The following MMD2 variants were observed in gnomAD, a reference collection of about 807,000 sequenced individuals.
MMD2 encodes the protein monocyte to macrophage differentiation associated 2, also known as monocyte to macrophage differentiation factor 2.
Under a neutral mutation model 33.5 loss-of-function variants are expected in MMD2, and 30 were observed. That is an observed-to-expected ratio of 0.90 (90% confidence interval 0.67 to 1.22). MMD2 has a LOEUF of 1.22. Among genes scored for constraint, MMD2 ranks in the 50% most tolerant of loss-of-function variants. The pLI, the probability that MMD2 is intolerant of heterozygous loss-of-function variation, is 0.00. For missense variants in MMD2, 364 were observed against 325.4 expected, an observed-to-expected ratio of 1.12 and a Z score of -0.91; for synonymous variants, 129 against 123.0, an observed-to-expected ratio of 1.05 and a Z score of -0.32.
chr7:4,956,488 A>T (rs1786384374), intron 1 of MMD2, among the ~76,000 whole-genome samples: 1 of 152,092 alleles, frequency 6.6e-6, no homozygotes, highest in South Asian at 2.1e-4. Flanking sequence ...TGGACTGTAC[A>T]GTTGTAAAGA....
chr7:4,928,924 G>A (rs1183939719), intron 1 of MMD2, among the ~76,000 whole-genome samples: 6 of 151,978 alleles, frequency 3.9e-5, no homozygotes, highest in Admixed American at 2.0e-4. Flanking sequence ...CTGGCTCCAC[G>A]CTAGTACAGA....
intron 6 of MMD2, chr7:4,909,599 CT>C: frequency 1.6e-6 from 1 of 628,864 alleles, no homozygotes. Flanking sequence ...TGCACCACAT[CT>C]GGCTAATTTT....
rs1444001288 is a variant in MMD2, at chr7:4,907,149, T to C, written c.*247A>G. The C allele has an allele frequency of 6.0e-6, 3 of 500,432 alleles. No individual in the cohort carries two copies. In the East Asian group the frequency reaches 1.1e-4, roughly 18 times the overall value. The allele number at this position is 500,432 out of a possible 1,614,324, so 31.0% of individuals were successfully genotyped here. A position where few individuals can be genotyped will look rare whatever the true frequency, so the allele number is the denominator to read the frequency against. Reference sequence around the variant, plus strand: ...CTGAAGATGTTAATGTTGCTTGTATTAGGAAACACTCATCTAAAATAGAAA... The same window carrying C: ...CTGAAGATGTTAATGTTGCTTGTATCAGGAAACACTCATCTAAAATAGAAA... On this transcript the variant is annotated 3_prime_UTR_variant, in exon 7 of 7. Transcript: ENST00000401401.
Position 4,906,000 on chromosome 7 carries a change from T to C in MMD2, c.*1396A>G, listed in dbSNP as rs1280099891. ...CGGAGGCAGTCTGGTCTGTGGAATG[T>C]GTTGAGATAATTTAATACTGGCTTG... On this transcript the variant is annotated 3_prime_UTR_variant, in exon 7 of 7. Transcript: ENST00000401401. The surrounding 1 kb of genome is among the most constrained non-coding windows in gnomAD (Gnocchi z 5.0). The C allele has an allele frequency of 1.3e-5, 2 of 153,482 alleles. No homozygotes were observed. Among genetic ancestry groups the C allele is most frequent in the Non-Finnish European group, 2.9e-5 (2 of 68,736 alleles). 9.5% of individuals were successfully genotyped at this position (153,482 alleles called of 1,614,324 possible).
intron 4 of MMD2, among the ~76,000 whole-genome samples, chr7:4,915,011 G>A (rs1583361316): frequency 6.6e-6 from 1 of 152,122 alleles, no homozygotes; most frequent in Non-Finnish European, 1.5e-5. Context: ...AATGGCTCAC[G>A]CCTGTACTCC....
chr7:4,958,556 T>C (rs1475696452), intron 1 of MMD2, among the ~76,000 whole-genome samples: 1 of 152,082 alleles, frequency 6.6e-6, no homozygotes, highest in African/African-American at 2.4e-5. Context: ...CCAACGCCTT[T>C]TACCATGAAC....
At chr7:4,917,710 T>A (rs1017236459) in intron 3 of MMD2, among the ~76,000 whole-genome samples, 14 of 150,068 alleles carry the variant, frequency 9.3e-5, no homozygotes, top group South Asian at 4.3e-4. Context: ...AAATAAAAAA[T>A]AGATAAATAA....
At chr7:4,912,570 A>C (rs1320455221) in intron 4 of MMD2, among the ~76,000 whole-genome samples, 1 of 149,244 alleles carries the variant, frequency 6.7e-6, no homozygotes, top group African/African-American at 2.5e-5. Context: ...TCAAAAAAAA[A>C]AAAAAGGGAT....
intron 5 of MMD2, among the ~76,000 whole-genome samples, chr7:4,910,424 T>A (rs980760355): frequency 1.3e-5 from 2 of 152,130 alleles, no homozygotes; most frequent in African/African-American, 4.8e-5. Context: ...AAGTCTGTTA[T>A]GTTCTTTTGC....
rs149019729 is a variant in MMD2 at position 4,940,201 on chromosome 7, G to A, written c.48-14669C>T. On this transcript the variant is annotated intron_variant, in intron 1 of 6. Transcript: ENST00000401401. This position sits in a 1 kb window ranked among gnomAD's most constrained non-coding sequence, Gnocchi z 5.0. ...GTTGAGCATCCTGACCTGGGTGCAG[G>A]GTCCGGCACACCCCAGCTCCCCCGG... 3.1e-3 allele frequency among the ~76,000 whole-genome samples: 472 copies of A among 152,212 alleles called. 3 individuals are homozygous for A. Among genetic ancestry groups the A allele is most frequent in the African/African-American group, 0.011 (438 of 41,558 alleles).
chr7:4,918,871 G>A (rs1046864360), intron 3 of MMD2, among the ~76,000 whole-genome samples: 1 of 151,976 alleles, frequency 6.6e-6, no homozygotes, highest in Non-Finnish European at 1.5e-5. Context: ...GCCAAGGAGG[G>A]CAGATCGCCT....
intron 2 of MMD2, among the ~76,000 whole-genome samples, chr7:4,922,324 C>T (rs988858061): frequency 6.6e-6 from 1 of 152,018 alleles, no homozygotes; most frequent in African/African-American, 2.4e-5. Flanking sequence ...AATCCCAGCA[C>T]TTTGGGAGGC....
At chr7:4,920,142 G>C in intron 3 of MMD2, 29 bp downstream of exon 3, 1 of 1,548,772 alleles carries the variant, frequency 6.5e-7, no homozygotes, top group Non-Finnish European at 8.7e-7. Flanking sequence ...CCCCCTACCC[G>C]GCATGGGTCC....
chr7:4,899,728 C>T, the MMD2 span, among the ~76,000 whole-genome samples: 1 of 152,080 alleles, frequency 6.6e-6, no homozygotes, highest in African/African-American at 2.4e-5. Flanking sequence ...GGGTCTTCAA[C>T]AAAAAGGCTT....
downstream of MMD2, among the ~76,000 whole-genome samples, chr7:4,903,589 C>T (rs1390319369): frequency 2.6e-5 from 4 of 152,360 alleles, no homozygotes; most frequent in East Asian, 1.9e-4. Flanking sequence ...CCTAGCCAAG[C>T]TCTGTCTGGG....
chr7:4,933,570 T>C (rs1785654177), intron 1 of MMD2, among the ~76,000 whole-genome samples: 1 of 151,302 alleles, frequency 6.6e-6, no homozygotes, highest in Non-Finnish European at 1.5e-5. Flanking sequence ...TCCTTTTTAT[T>C]GCTGAGCAGT....
chr7:4,933,631 G>A (rs1348901781), intron 1 of MMD2, among the ~76,000 whole-genome samples: 1 of 150,872 alleles, frequency 6.6e-6, no homozygotes, highest in African/African-American at 2.5e-5. Context: ...TCCAGTTGAG[G>A]GATAATAAAT....
At chr7:4,923,617 A>AC (rs55754302) in intron 2 of MMD2, among the ~76,000 whole-genome samples, 81,808 of 151,860 alleles carry the variant, frequency 0.54, 22,974 homozygotes, top group African/African-American at 0.71. Flanking sequence ...CTAGAGCTTT[A>AC]TTTTTGGGGT....
At position 4,913,218 on chromosome 7, in the gene MMD2, A is replaced by G. The variant is rs150152016; in HGVS notation, c.366-1972T>C. ...AAAATAGGTCACTGGGTAGAAGGAT[A>G]GGACGGGATGAAGGGAAAGGAGAAA... is the stretch of plus-strand genomic sequence containing the variant. On this transcript the variant is annotated intron_variant, in intron 4 of 6. Transcript: ENST00000401401. Among the ~76,000 whole-genome samples, 6 of 152,362 alleles carry G rather than the reference A, an allele frequency of 3.9e-5. No individual in the cohort carries two copies. The East Asian group carries it at 1.2e-3, about 29-fold the overall frequency.
Sources: allele counts gnomAD v4.1 joint callset (sites outside exome capture counted in the v4.1 genomes callset), GRCh38; gene constraint gnomAD v4.1.1; non-coding constraint Gnocchi (gnomAD v3.1); transcripts MANE v1.5; gene names NCBI Gene and HGNC (gene_info 2026-07-23, HGNC 2026-07-21).